The following TIAM2 variants were observed in gnomAD, a reference collection of about 807,000 sequenced individuals.
The protein encoded by TIAM2 is TIAM Rac1 associated GEF 2, also known as rho guanine nucleotide exchange factor TIAM2.
TIAM2 carries 80 observed loss-of-function variants against 152.9 expected under a neutral mutation model. That is an observed-to-expected ratio of 0.52 (90% CI 0.44 to 0.63). TIAM2 has a LOEUF of 0.63. Among genes scored for constraint, TIAM2 ranks in the 30% least tolerant of loss-of-function variants. The probability of loss-of-function intolerance (pLI) is 0.00; values close to 1 mark genes in which losing one functional copy is unlikely to be tolerated. For synonymous variants in TIAM2, 804 were observed against 838.0 expected (o/e 0.96, Z 0.70); for missense variants, 1,965 against 2,120.1 (o/e 0.93, Z 1.44).
chr6:155,008,641 A>G (rs1278984317), intron 1 of TIAM2, among the ~76,000 whole-genome samples: 1 of 152,042 alleles, frequency 6.6e-6, no homozygotes, highest in Non-Finnish European at 1.5e-5. Flanking sequence ...GCTACCCCGC[A>G]GGCAGTGTGC....
intron 9 of TIAM2, among the ~76,000 whole-genome samples, chr6:155,170,203 T>C (rs1300471646): frequency 2.6e-5 from 3 of 113,510 alleles, no homozygotes; most frequent in African/African-American, 7.3e-5. Context: ...TTGTAATCGA[T>C]ATAGTTTATA....
intron 1 of TIAM2, among the ~76,000 whole-genome samples, chr6:155,025,286 C>T (rs966581076): frequency 2.9e-4 from 44 of 151,864 alleles, no homozygotes; most frequent in African/African-American, 8.9e-4. Context: ...CTCTGCCTCC[C>T]GGGTTCACGC....
At position 155,256,637 on chromosome 6, in the gene TIAM2, C is replaced by T. The variant is rs1309083107; in HGVS notation, c.4622C>T (p.Ser1541Phe). ...CCCACGGCTGAGGGCAGGCAGGACT[C>T]CAAGAGCACTTCTCCCGGGAAATAC... is the stretch of plus-strand genomic sequence containing the variant. ...GCPTAEGRQD[S>F]KSTSPGKYPH... Residue 1541 changes from serine to phenylalanine, a missense_variant, in exon 27 of 27, where the codon TCC becomes TTC. Physicochemically the swap from Ser to Phe is radical, Grantham distance 155. Transcript: ENST00000682666. 6.2e-7 allele frequency: 1 copy of T among 1,614,062 alleles called. No homozygotes were observed. Among genetic ancestry groups the T allele is most frequent in the Non-Finnish European group, 8.5e-7 (1 of 1,180,032 alleles).
chr6:155,057,247 C>T (rs1777474389), intron 1 of TIAM2, among the ~76,000 whole-genome samples: 1 of 151,630 alleles, frequency 6.6e-6, no homozygotes, highest in Admixed American at 6.6e-5. Flanking sequence ...CCATGTTGCC[C>T]AGGCTGGTTT....
At chr6:155,164,332 A>G in intron 7 of TIAM2, 83 bp from the exon 8 acceptor site, 2 of 1,353,310 alleles carry the variant, frequency 1.5e-6, no homozygotes, top group East Asian at 2.4e-5. Context: ...TTTTTCTTCA[A>G]GTTTGTGAAA....
chr6:155,238,114 T>G (rs1324323092), intron 15 of TIAM2, among the ~76,000 whole-genome samples: 1 of 152,218 alleles, frequency 6.6e-6, no homozygotes, highest in Non-Finnish European at 1.5e-5. Flanking sequence ...TGTTTAGAAA[T>G]TTCTTCTCCC....
intron 7 of TIAM2, chr6:155,149,106 T>A (rs1041476223): frequency 6.0e-6 from 1 of 167,132 alleles, no homozygotes; most frequent in African/African-American, 2.4e-5. Flanking sequence ...TGCATTGTGA[T>A]GCAGCTTGTC....
chr6:155,011,417 C>T (rs1583148946), intron 1 of TIAM2, among the ~76,000 whole-genome samples: 1 of 3,306 alleles, frequency 3.0e-4, no homozygotes, highest in Non-Finnish European at 3.9e-4. Flanking sequence ...CCTGTGGCTT[C>T]TCAATTTTCA....
chr6:155,013,557 A>G (rs769938103), intron 1 of TIAM2: 11 of 152,208 alleles, frequency 7.2e-5, no homozygotes, highest in Non-Finnish European at 1.3e-4. Context: ...ATATTGAAGC[A>G]TAGAGCTGGG....
At chr6:155,100,217 G>A (rs1778524408) in intron 2 of TIAM2, among the ~76,000 whole-genome samples, 1 of 152,224 alleles carries the variant, frequency 6.6e-6, no homozygotes, top group African/African-American at 2.4e-5. Flanking sequence ...GTGGCTGTGA[G>A]ACCTTGACTC....
At chr6:155,043,830 G>C (rs891902884) in intron 1 of TIAM2, among the ~76,000 whole-genome samples, 4 of 151,830 alleles carry the variant, frequency 2.6e-5, no homozygotes, top group Non-Finnish European at 1.5e-5. Context: ...AGTTACAAGC[G>C]GGGACTTGAC....
intron 2 of TIAM2, among the ~76,000 whole-genome samples, chr6:155,127,133 C>T (rs746941140): frequency 2.0e-5 from 3 of 152,212 alleles, no homozygotes; most frequent in Non-Finnish European, 4.4e-5. Context: ...ACAAGGGCCA[C>T]CTCTCGTCAC....
At position 155,218,640 on chromosome 6, in the gene TIAM2, TG is replaced by T. The variant is rs1325645844; in HGVS notation, c.3168+7335del. On this transcript the variant is annotated intron_variant, in intron 15 of 26. Transcript: ENST00000682666. The surrounding 1 kb of genome is among the most constrained non-coding windows in gnomAD (Gnocchi z 4.5). Reference sequence around the variant, plus strand: ...GATTAGGCTGTAAGCTGCCCCTTCCTGGTGCGTCTCCCATGTATACGTGTGT... The same window carrying T: ...GATTAGGCTGTAAGCTGCCCCTTCCTGTGCGTCTCCCATGTATACGTGTGT... 1.2e-4 allele frequency among the ~76,000 whole-genome samples: 18 copies of T among 152,316 alleles called. No homozygotes were observed. In the East Asian group the frequency reaches 3.5e-3, roughly 29 times the overall value.
chr6:155,169,653 A>G (rs569788181), intron 9 of TIAM2, among the ~76,000 whole-genome samples: 1 of 152,248 alleles, frequency 6.6e-6, no homozygotes, highest in South Asian at 2.1e-4. Flanking sequence ...AGCCTGAGTA[A>G]TGTCTCCTCA....
intron 1 of TIAM2, among the ~76,000 whole-genome samples, chr6:155,050,594 G>A (rs11754633): frequency 0.13 from 20,032 of 152,212 alleles, 1,617 homozygotes; most frequent in East Asian, 0.25. Flanking sequence ...CTGCAGCCAA[G>A]CGAGAGGCTG....
intron 1 of TIAM2, among the ~76,000 whole-genome samples, chr6:155,044,847 T>C (rs753940484): frequency 4.2e-4 from 63 of 151,716 alleles, no homozygotes; most frequent in Admixed American, 1.6e-3. Flanking sequence ...AAATAGCTCA[T>C]CTTATGTCTC....
chr6:155,131,884 G>A (rs1346016702), intron 4 of TIAM2, among the ~76,000 whole-genome samples: 1 of 152,062 alleles, frequency 6.6e-6, no homozygotes, highest in African/African-American at 2.4e-5. Flanking sequence ...CGGCCTATAT[G>A]TGTAATCTTA....
intron 5 of TIAM2, among the ~76,000 whole-genome samples, chr6:155,140,702 G>A (rs749560774): frequency 6.6e-6 from 1 of 151,734 alleles, no homozygotes; most frequent in Non-Finnish European, 1.5e-5. Context: ...AAAGATCTAG[G>A]GATATTTAGC....
chr6:155,066,954 G>C, intron 1 of TIAM2, among the ~76,000 whole-genome samples: 1 of 152,078 alleles, frequency 6.6e-6, no homozygotes, highest in Non-Finnish European at 1.5e-5. Context: ...ACAGGGTTTT[G>C]CTATATTAGC....
Sources: gnomAD v4.1 joint callset for allele counts (sites outside exome capture counted in the v4.1 genomes callset) on GRCh38, gnomAD v4.1.1 for gene constraint, Gnocchi (gnomAD v3.1) non-coding constraint, MANE v1.5 for transcripts, NCBI Gene and HGNC (gene_info 2026-07-23, HGNC 2026-07-21) for gene names.